The following EYA3 variants were observed in gnomAD, a reference collection of about 807,000 sequenced individuals.
The protein encoded by EYA3 is EYA transcriptional coactivator and phosphatase 3.
A neutral mutation model predicts 80.0 loss-of-function variants in EYA3; 39 were observed. The observed-to-expected ratio is 0.49, with a 90% confidence interval of 0.38 to 0.64. EYA3 has a LOEUF of 0.64. EYA3 is among the 30% of genes least tolerant of loss of function. The pLI, the probability that EYA3 is intolerant of heterozygous loss-of-function variation, is 0.00. For synonymous variants in EYA3, 206 were observed against 232.8 expected (o/e 0.88, Z 1.05); for missense variants, 523 against 676.1 (o/e 0.77, Z 2.51).
At chr1:28,084,583 ATATATATATATATTTTTTTTTTTTTTT>A (rs1232853179) in intron 1 of EYA3, among the ~76,000 whole-genome samples, 7 of 17,292 alleles carry the variant, frequency 4.0e-4, no homozygotes, top group African/African-American at 1.5e-3. Flanking sequence ...ATATATATAT[ATATATATATATATTTTTTTTTTTTTTT>A]TTTTTTTTTT....
At chr1:28,006,276 A>G (rs1469996670) in intron 10 of EYA3, among the ~76,000 whole-genome samples, 1 of 152,186 alleles carries the variant, frequency 6.6e-6, no homozygotes, top group African/African-American at 2.4e-5. Flanking sequence ...AGGGGGAAAA[A>G]GCTACATGAT....
chr1:27,977,436 T>G, intron 17 of EYA3: 1 of 1,519,932 alleles, frequency 6.6e-7, no homozygotes, highest in East Asian at 2.5e-5. Context: ...CTTCTACAGA[T>G]CCATTTAGCA....
chr1:28,075,302 G>A (rs1451411895), intron 1 of EYA3, among the ~76,000 whole-genome samples: 1 of 152,078 alleles, frequency 6.6e-6, no homozygotes, highest in African/African-American at 2.4e-5. Flanking sequence ...TAAGCTTCTT[G>A]GTTAGCCTAT....
At chr1:28,050,305 G>A (rs1182720489) in intron 2 of EYA3, among the ~76,000 whole-genome samples, 1 of 151,142 alleles carries the variant, frequency 6.6e-6, no homozygotes, top group Non-Finnish European at 1.5e-5. Flanking sequence ...CAGTTCTTGT[G>A]CCTCAGCCTC....
At chr1:28,048,272 G>T (rs763104904) in intron 3 of EYA3, 111 bp downstream of exon 3, 7 of 611,082 alleles carry the variant, frequency 1.1e-5, no homozygotes, top group Non-Finnish European at 1.9e-5. Context: ...TGTAACAGCT[G>T]ATGGTAAGAA....
At chr1:28,047,639 C>CTTT (rs370957666) in intron 3 of EYA3, among the ~76,000 whole-genome samples, 4 of 133,218 alleles carry the variant, frequency 3.0e-5, no homozygotes, top group Non-Finnish European at 3.2e-5. Flanking sequence ...CCTCTTTTCT[C>CTTT]TTTTTTTTTT....
intron 1 of EYA3, among the ~76,000 whole-genome samples, chr1:28,080,387 G>A (rs916045108): frequency 2.6e-5 from 4 of 152,116 alleles, no homozygotes; most frequent in African/African-American, 9.7e-5. Flanking sequence ...AGCCCAGGAG[G>A]TCGAGGCTGC....
intron 6 of EYA3, among the ~76,000 whole-genome samples, chr1:28,034,887 G>A (rs757239764): frequency 1.6e-4 from 24 of 152,100 alleles, no homozygotes; most frequent in Non-Finnish European, 2.2e-4. Context: ...GAGCAATGAA[G>A]CACACTGCAT....
At chr1:28,027,973 AGGAGCAT>A in intron 6 of EYA3, 47 bp from the exon 7 acceptor site, 11 of 1,607,016 alleles carry the variant, frequency 6.8e-6, no homozygotes, top group Non-Finnish European at 9.4e-6. Context: ...ACTGGGACTG[AGGAGCAT>A]GGTTATGCTT....
At chr1:28,069,497 A>T (rs887671684) in intron 1 of EYA3, among the ~76,000 whole-genome samples, 1 of 150,396 alleles carries the variant, frequency 6.6e-6, no homozygotes, top group African/African-American at 2.4e-5. Context: ...GTAATCTGGT[A>T]ATCTGGTATG....
chr1:28,042,521 T>G, intron 4 of EYA3, 50 bp downstream of exon 4: 1 of 1,492,138 alleles, frequency 6.7e-7, no homozygotes, highest in Non-Finnish European at 9.3e-7. Flanking sequence ...AGAAAAGCAT[T>G]ACTAGTTATA....
chr1:28,035,318 T>TA (rs1643384606), intron 6 of EYA3, among the ~76,000 whole-genome samples: 2 of 152,102 alleles, frequency 1.3e-5, no homozygotes, highest in African/African-American at 4.8e-5. Context: ...ACCAAACACT[T>TA]AAAGATTCCA....
chr1:27,998,461 G>T, intron 12 of EYA3: 1 of 246,934 alleles, frequency 4.0e-6, no homozygotes, highest in Non-Finnish European at 6.5e-6. Context: ...AACATATGAA[G>T]TTGAGGGAAG....
chr1:27,997,272 T>G (rs747464113), intron 13 of EYA3, 48 bp downstream of exon 13: 15 of 1,522,100 alleles, frequency 9.9e-6, no homozygotes. Context: ...CAGACAGATC[T>G]TGCACATAAC....
intron 16 of EYA3, 133 bp from the exon 17 acceptor site, chr1:27,978,607 G>A (rs1451242399): frequency 3.1e-6 from 2 of 641,904 alleles, no homozygotes; most frequent in African/African-American, 3.7e-5. Flanking sequence ...TGCTTGCTGG[G>A]GAGTAGGGAT....
chr1:28,086,345 T>C (rs576410385), intron 1 of EYA3, among the ~76,000 whole-genome samples: 4 of 152,160 alleles, frequency 2.6e-5, no homozygotes, highest in South Asian at 4.2e-4. Flanking sequence ...TCCTGAGTAG[T>C]TGGGACTACA....
At chr1:28,023,789 TTAA>T (rs1642600922) in intron 7 of EYA3, among the ~76,000 whole-genome samples, 1 of 152,198 alleles carries the variant, frequency 6.6e-6, no homozygotes, top group Admixed American at 6.5e-5. Context: ...ACGGACTTAG[TTAA>T]TAATAACATA....
chr1:28,060,715 C>T (rs1409008959), intron 1 of EYA3, among the ~76,000 whole-genome samples: 1 of 152,096 alleles, frequency 6.6e-6, no homozygotes, highest in Non-Finnish European at 1.5e-5. Context: ...ATAATTTCTA[C>T]ATTTAGAAGA....
rs1261874141 is a variant in EYA3 at position 28,035,749 on chromosome 1, C to T, written c.225-69G>A. Reference sequence around the variant, plus strand: ...TAGTAACGAAAAATAGGTAAAATAGCTACCACCACTAACAGCAAAGAATCT... The same window carrying T: ...TAGTAACGAAAAATAGGTAAAATAGTTACCACCACTAACAGCAAAGAATCT... On this transcript the variant is annotated intron_variant, in intron 5 of 17. Coordinates refer to ENST00000373871, the MANE Select transcript of EYA3 (RefSeq NM_001990.4). 7.1e-6 allele frequency: 10 copies of T among 1,409,322 alleles called. No homozygotes were observed. In the Admixed American group the frequency reaches 1.3e-4, roughly 18 times the overall value. The allele number at this position is 1,409,322 out of a possible 1,614,324, so 87.3% of individuals were successfully genotyped here. A position where few individuals can be genotyped will look rare whatever the true frequency, so the allele number is the denominator to read the frequency against.
Sources: allele counts gnomAD v4.1 joint callset (sites outside exome capture counted in the v4.1 genomes callset), GRCh38; gene constraint gnomAD v4.1.1; transcripts MANE v1.5; gene names NCBI Gene and HGNC (gene_info 2026-07-23, HGNC 2026-07-21).